Variants in RAP1GDS1 observed in about 807,000 individuals in gnomAD.
RAP1GDS1 encodes the protein Rap1 GTPase-GDP dissociation stimulator 1.
In RAP1GDS1, 35 loss-of-function variants were observed where a neutral mutation model predicts 71.1. The observed-to-expected ratio is 0.49, with a 90% CI of 0.38 to 0.65. The LOEUF is 0.65. Ranked by LOEUF, RAP1GDS1 falls within the 30% of genes least tolerant of loss-of-function variation. RAP1GDS1 has a pLI of 0.00. For missense variants in RAP1GDS1, 663 were observed against 706.1 expected, an observed-to-expected ratio of 0.94 and a Z score of 0.69; for synonymous variants, 229 against 243.1, an observed-to-expected ratio of 0.94 and a Z score of 0.54.
At position 98,387,895 on chromosome 4, in the gene RAP1GDS1, A is replaced by G. The variant is rs116825019; in HGVS notation, c.509-4057A>G. ...AGTAGTCTTGCAGTTGCTTCACTTA[A>G]TCTGCCTAATGTATCTAGAGAACAA... On this transcript the variant is annotated intron_variant, in intron 5 of 14. Coordinates refer to ENST00000408927, the MANE Select transcript of RAP1GDS1 (RefSeq NM_001100427.2). Among the ~76,000 whole-genome samples, 1,440 of 152,240 alleles carry G rather than the reference A, an allele frequency of 9.5e-3. 10 individuals are homozygous for G. The highest frequency in any genetic ancestry group is 0.015 in the Non-Finnish European group (1,006 of 68,014).
chr4:98,361,513 T>C (rs907055869), intron 4 of RAP1GDS1, among the ~76,000 whole-genome samples: 5 of 152,164 alleles, frequency 3.3e-5, no homozygotes, highest in Non-Finnish European at 5.9e-5. Context: ...GTAATTTCTT[T>C]AGGAAATGTA....
In RAP1GDS1 at chr4:98,352,567, G is replaced by A. The variant is rs770264843; in HGVS notation, c.327G>A (p.Thr109=). ...NSKDQEVLLQ[T]GRALGNICYD... ...AAGACCAGGAAGTGCTGCTTCAAAC[G>A]GGCAGGGCTCTAGGAAACATATGTT... is the stretch of plus-strand genomic sequence containing the variant. The change falls in exon 4 of 15, where the codon ACG becomes ACA. Residue 109 remains threonine (T), a synonymous_variant. Coordinates refer to ENST00000408927, the MANE Select transcript of RAP1GDS1 (RefSeq NM_001100427.2). The A allele has an allele frequency of 1.1e-5, 17 of 1,613,872 alleles. No homozygotes were observed. Among genetic ancestry groups the A allele is most frequent in the Middle Eastern group, 1.6e-4 (1 of 6,084 alleles).
chr4:98,313,688 A>T (rs995733817), intron 2 of RAP1GDS1, among the ~76,000 whole-genome samples: 1 of 152,006 alleles, frequency 6.6e-6, no homozygotes, highest in Non-Finnish European at 1.5e-5. Context: ...CCACAAAAAA[A>T]TTTAAAACAT....
chr4:98,261,552 C>T lies in RAP1GDS1; in HGVS notation c.-14C>T, dbSNP rs766254067. Reference sequence around the variant, plus strand: ...TCGCCTCGCCCCGCCGGTTCCTCACCCTCGGGGAGCAACATGGGTAAGTCA... The same window carrying T: ...TCGCCTCGCCCCGCCGGTTCCTCACTCTCGGGGAGCAACATGGGTAAGTCA... On this transcript the variant is annotated 5_prime_UTR_variant, in exon 1 of 15. Coordinates refer to ENST00000408927, the MANE Select transcript of RAP1GDS1 (RefSeq NM_001100427.2). The T allele has an allele frequency of 3.1e-6, 5 of 1,601,484 alleles. No homozygotes were observed. Among genetic ancestry groups the T allele is most frequent in the Middle Eastern group, 1.7e-4 (1 of 6,030 alleles).
At chr4:98,299,150 A>G (rs140269887) in intron 2 of RAP1GDS1, among the ~76,000 whole-genome samples, 9,352 of 152,216 alleles carry the variant, frequency 0.061, 404 homozygotes, top group Non-Finnish European at 0.093. Flanking sequence ...GAGTGAGAAC[A>G]TGCAGTGTTT....
intron 1 of RAP1GDS1, among the ~76,000 whole-genome samples, chr4:98,261,943 C>T (rs562665621): frequency 2.6e-5 from 4 of 152,376 alleles, no homozygotes; most frequent in Non-Finnish European, 4.4e-5. Flanking sequence ...CCTTTTCCCC[C>T]GCGTGTACTG....
chr4:98,443,590 C>T lies in RAP1GDS1; in HGVS notation c.*1473C>T, dbSNP rs1223451735. The T allele has an allele frequency of 4.5e-6, 1 of 220,076 alleles. No individual in the cohort carries two copies. Among genetic ancestry groups the T allele is most frequent in the South Asian group, 1.9e-4 (1 of 5,396 alleles). 13.6% of individuals were successfully genotyped at this position (220,076 alleles called of 1,614,324 possible). A position where few individuals can be genotyped will look rare whatever the true frequency, so the allele number is the denominator to read the frequency against. On this transcript the variant is annotated 3_prime_UTR_variant, in exon 15 of 15. Transcript: ENST00000408927. Reference sequence around the variant, plus strand: ...GATGCTACACATCTCTGTGGATAATCTAAGTTGGACTTTTGACTCTAAAAC... The same window carrying T: ...GATGCTACACATCTCTGTGGATAATTTAAGTTGGACTTTTGACTCTAAAAC...
intron 2 of RAP1GDS1, among the ~76,000 whole-genome samples, chr4:98,296,345 C>T (rs1727749056): frequency 6.6e-6 from 1 of 152,024 alleles, no homozygotes. Flanking sequence ...TGACTGTAAT[C>T]TGAAATTAGA....
chr4:98,416,390 A>G lies in RAP1GDS1; in HGVS notation c.764-355A>G, dbSNP rs945118538. Among the ~76,000 whole-genome samples, 3 of 110,818 alleles carry G rather than the reference A, an allele frequency of 2.7e-5. No homozygotes were observed. The Admixed American group carries it at 4.3e-4, about 16-fold the overall frequency. The allele number at this position is 110,818 out of a possible 152,430, so 72.7% of individuals were successfully genotyped here. A position where few individuals can be genotyped will look rare whatever the true frequency, so the allele number is the denominator to read the frequency against. Reference sequence around the variant, plus strand: ...GAGACAGAGTCTCGCTCTATTGCCCAGGCTGGAGTGCAGTGTTGCAATCTT... The same window carrying G: ...GAGACAGAGTCTCGCTCTATTGCCCGGGCTGGAGTGCAGTGTTGCAATCTT... On this transcript the variant is annotated intron_variant, in intron 7 of 14. Coordinates refer to ENST00000408927, the MANE Select transcript of RAP1GDS1 (RefSeq NM_001100427.2).
At chr4:98,281,465 T>A (rs1042994781) in intron 1 of RAP1GDS1, among the ~76,000 whole-genome samples, 7 of 152,196 alleles carry the variant, frequency 4.6e-5, no homozygotes, top group Non-Finnish European at 8.8e-5. Context: ...TTTTGTATCC[T>A]GAGACTTTGC....
chr4:98,331,154 G>A (rs1262164144), intron 2 of RAP1GDS1, among the ~76,000 whole-genome samples: 1 of 152,230 alleles, frequency 6.6e-6, no homozygotes, highest in East Asian at 1.9e-4. Flanking sequence ...AAACCAGTCA[G>A]GCGTGGCGGC....
At chr4:98,348,990 T>G (rs1347566325) in intron 3 of RAP1GDS1, among the ~76,000 whole-genome samples, 3 of 152,188 alleles carry the variant, frequency 2.0e-5, no homozygotes, top group Non-Finnish European at 4.4e-5. Context: ...CATTTGTCAA[T>G]TTTGGTTTTT....
At chr4:98,381,068 C>G (rs1216379140) in intron 5 of RAP1GDS1, among the ~76,000 whole-genome samples, 1 of 151,596 alleles carries the variant, frequency 6.6e-6, no homozygotes, top group African/African-American at 2.4e-5. Flanking sequence ...GTGGAGTGCA[C>G]AGTCTAACTG....
intron 2 of RAP1GDS1, 68 bp downstream of exon 2, chr4:98,293,583 T>C (rs1469083795): frequency 2.7e-6 from 3 of 1,107,448 alleles, no homozygotes; most frequent in East Asian, 4.9e-5. Context: ...CAGAAACTGG[T>C]ATGTAGTTAA....
chr4:98,437,133 G>A (rs981920831), intron 14 of RAP1GDS1, 65 bp downstream of exon 14: 5 of 1,391,966 alleles, frequency 3.6e-6, no homozygotes, highest in Non-Finnish European at 2.8e-6. Context: ...TAAATATAGA[G>A]TAATAGTAAA....
intron 3 of RAP1GDS1, among the ~76,000 whole-genome samples, chr4:98,348,226 T>A (rs1054305497): frequency 6.6e-6 from 1 of 152,156 alleles, no homozygotes; most frequent in South Asian, 2.1e-4. Context: ...TTTGTTTTTT[T>A]GTCCCTGTGA....
At chr4:98,355,750 G>T (rs574784780) in intron 4 of RAP1GDS1, among the ~76,000 whole-genome samples, 61 of 152,262 alleles carry the variant, frequency 4.0e-4, no homozygotes, top group Non-Finnish European at 7.8e-4. Context: ...AGTTTTACCA[G>T]CCTTGACAGT....
At chr4:98,378,277 C>CA (rs755516200) in intron 4 of RAP1GDS1, among the ~76,000 whole-genome samples, 1 of 151,794 alleles carries the variant, frequency 6.6e-6, no homozygotes, top group East Asian at 1.9e-4. Context: ...AGTTAAGTAA[C>CA]ATCTGTTTTA....
intron 2 of RAP1GDS1, among the ~76,000 whole-genome samples, chr4:98,298,259 A>G (rs1728068138): frequency 1.3e-5 from 2 of 152,210 alleles, no homozygotes; most frequent in South Asian, 4.1e-4. Context: ...CAAGTTACCC[A>G]CAAGATCTAG....
Sources: gnomAD v4.1 joint callset for allele counts (sites outside exome capture counted in the v4.1 genomes callset) on GRCh38, gnomAD v4.1.1 for gene constraint, MANE v1.5 for transcripts, NCBI Gene and HGNC (gene_info 2026-07-23, HGNC 2026-07-21) for gene names.